The following MYBPC2 variants were observed in gnomAD, a reference collection of about 807,000 sequenced individuals.
MYBPC2 encodes the protein myosin-binding protein C, fast-type.
A neutral mutation model predicts 137.0 loss-of-function variants in MYBPC2; 122 were observed. The observed-to-expected ratio is 0.89, with a 90% confidence interval of 0.77 to 1.03. The LOEUF (loss-of-function observed/expected upper bound fraction) is 1.03. Ranked by LOEUF, MYBPC2 falls within the 50% of genes least tolerant of loss-of-function variation. The probability of loss-of-function intolerance (pLI) is 0.00; values close to 1 mark genes in which losing one functional copy is unlikely to be tolerated. For synonymous variants in MYBPC2, 626 were observed against 612.3 expected (o/e 1.02, Z -0.33); for missense variants, 1,500 against 1,534.4 (o/e 0.98, Z 0.37).
In MYBPC2 at chr19:50,459,120, C is replaced by T. The variant is rs762000682; in HGVS notation, c.2605C>T (p.Arg869Trp). 8 of 1,564,582 alleles carry T rather than the reference C, an allele frequency of 5.1e-6. No homozygotes were observed. Among genetic ancestry groups the T allele is most frequent in the East Asian group, 4.8e-5 (2 of 41,882 alleles). ...NLVVPFQGKP[R>W]PQVVWTKGGA... ...CGCCCTCTCCCCGCAGGGAAAGCCC[C>T]GGCCCCAGGTGGTGTGGACCAAGGG... Residue 869 changes from arginine to tryptophan, a missense_variant, in exon 23 of 28, where the codon CGG (arginine) becomes TGG (tryptophan). Transcript: ENST00000357701.
chr19:50,449,540 T>G (rs184601691), intron 13 of MYBPC2, among the ~76,000 whole-genome samples: 1 of 152,180 alleles, frequency 6.6e-6, no homozygotes, highest in African/African-American at 2.4e-5. Context: ...CAGCTCTGAG[T>G]CAAGGGCTGG....
At chr19:50,436,835 G>C in intron 5 of MYBPC2, 101 bp downstream of exon 5, 1 of 1,066,546 alleles carries the variant, frequency 9.4e-7, no homozygotes, top group Non-Finnish European at 1.4e-6. Flanking sequence ...ATGGGCATGA[G>C]GTGGGCACAG....
chr19:50,447,866 A>T (rs1333215901), intron 12 of MYBPC2, among the ~76,000 whole-genome samples: 1 of 152,046 alleles, frequency 6.6e-6, no homozygotes, highest in African/African-American at 2.4e-5. Context: ...TCAAAAAAAA[A>T]TAAATAAATA....
At chr19:50,456,133 C>T (rs2122609203) in intron 20 of MYBPC2, among the ~76,000 whole-genome samples, 1 of 147,428 alleles carries the variant, frequency 6.8e-6, no homozygotes, top group East Asian at 2.0e-4. Flanking sequence ...TCATTTCCAT[C>T]CATCCATCCA....
chr19:50,454,420 G>GT (rs36109908), intron 18 of MYBPC2, 51 bp downstream of exon 18: 37,730 of 722,882 alleles, frequency 0.052, 88 homozygotes, highest in African/African-American at 0.068. Context: ...TCTGCCTTCT[G>GT]TTTTTTTTTT....
intron 13 of MYBPC2, among the ~76,000 whole-genome samples, chr19:50,448,970 T>C (rs1322540833): frequency 6.6e-6 from 1 of 151,888 alleles, no homozygotes; most frequent in African/African-American, 2.4e-5. Flanking sequence ...CCTCAGCTGA[T>C]CCACCCACCT....
At chr19:50,436,304 G>A (rs1045384943) in intron 4 of MYBPC2, 144 bp downstream of exon 4, 67 of 1,313,000 alleles carry the variant, frequency 5.1e-5, no homozygotes, top group Non-Finnish European at 5.6e-5. Flanking sequence ...GAGGTTGTGC[G>A]GGGCTGCTGG....
chr19:50,460,846 C>T (rs926830213), intron 24 of MYBPC2, among the ~76,000 whole-genome samples: 1 of 151,834 alleles, frequency 6.6e-6, no homozygotes, highest in African/African-American at 2.4e-5. Context: ...AATACAGGCA[C>T]GTGCCACCAC....
chr19:50,446,432 G>T (rs1049146867), intron 12 of MYBPC2, among the ~76,000 whole-genome samples: 6 of 151,940 alleles, frequency 3.9e-5, no homozygotes, highest in African/African-American at 1.5e-4. Context: ...AGAATTGCTT[G>T]AACCCAGGAG....
intron 26 of MYBPC2, among the ~76,000 whole-genome samples, chr19:50,462,736 C>T (rs1002118694): frequency 6.6e-6 from 1 of 151,948 alleles, no homozygotes; most frequent in Non-Finnish European, 1.5e-5. Context: ...ACCACCATGC[C>T]CAGCTAAATT....
rs1192055349 is a variant in MYBPC2 at position 50,442,763 on chromosome 19, C to T, written c.902+450C>T. 2.0e-5 allele frequency among the ~76,000 whole-genome samples: 3 copies of T among 151,374 alleles called. No individual in the cohort carries two copies. The East Asian group carries it at 5.8e-4, about 29-fold the overall frequency. On this transcript the variant is annotated intron_variant, in intron 9 of 27. Transcript: ENST00000357701. ...CAACAACAAACACATCACAAGACAA[C>T]CTTTTTTAAATTAATTACCTAATTT...
rs190538269 is a variant in MYBPC2, at chr19:50,448,322, G to A, written c.1404G>A (p.Thr468=). 6,636 of 1,613,884 alleles carry A rather than the reference G, an allele frequency of 4.1e-3. 83 individuals are homozygous for A. The highest frequency in any genetic ancestry group is 4.8e-3 in the Non-Finnish European group (5,708 of 1,179,814). ...FKCEVSDEKV[T]GKWYKNGVEV... ...GCGAGGTGTCTGATGAGAAAGTGAC[G>A]GGCAAGTGGTATAAGAATGGGGTCG... Residue 468 remains threonine, a synonymous_variant, in exon 13 of 28, where the codon ACG becomes ACA. Transcript: ENST00000357701.
chr19:50,443,462 C>T (rs373067367), intron 9 of MYBPC2, 32 bp from the exon 10 acceptor site: 30 of 1,607,800 alleles, frequency 1.9e-5, no homozygotes, highest in Admixed American at 3.3e-5. Context: ...GGATGCTCCA[C>T]GCCCTGGTTT....
At chr19:50,459,082 C>T (rs772695674) in intron 22 of MYBPC2, 29 bp from the exon 23 acceptor site, 35 of 1,551,170 alleles carry the variant, frequency 2.3e-5, no homozygotes, top group Non-Finnish European at 3.0e-5. Context: ...GCCCCGCTGA[C>T]CCCACCCCGC....
In MYBPC2 at chr19:50,435,493, G is replaced by A. The variant is rs999969076; in HGVS notation, c.109+243G>A. Among the ~76,000 whole-genome samples, 8 of 152,162 alleles carry A rather than the reference G, an allele frequency of 5.3e-5. No individual in the cohort carries two copies. Among genetic ancestry groups the A allele is most frequent in the South Asian group, 4.1e-4 (2 of 4,822 alleles). On this transcript the variant is annotated intron_variant, in intron 2 of 27. Transcript: ENST00000357701. This position sits in a 1 kb window ranked among gnomAD's most constrained non-coding sequence, Gnocchi z 4.8. ...CTGATTGATCACCAGGTCCGGCCCC[G>A]GTCTCTCTAAACCTCTCCCGCCCCA...
chr19:50,461,444 G>A, intron 24 of MYBPC2, 98 bp from the exon 25 acceptor site: 2 of 1,277,028 alleles, frequency 1.6e-6, no homozygotes, highest in Non-Finnish European at 1.1e-6. Context: ...TTAAACACTG[G>A]ATGTGCTTTT....
rs1342187368 is a variant in MYBPC2, at chr19:50,435,144, T to G, written c.20-17T>G. ...TGCAGACCGCATGCTCAACTATGAC[T>G]GTCCCCTACCTTACAGCGGCCAAAA... On this transcript the variant is annotated splice_polypyrimidine_tract_variant and intron_variant, in intron 1 of 27. Coordinates refer to ENST00000357701, the MANE Select transcript of MYBPC2 (RefSeq NM_004533.4). The surrounding 1 kb of genome is among the most constrained non-coding windows in gnomAD (Gnocchi z 4.8). 5 of 1,213,608 alleles carry G rather than the reference T, an allele frequency of 4.1e-6. No individual in the cohort carries two copies. Among genetic ancestry groups the G allele is most frequent in the Non-Finnish European group, 6.1e-6 (5 of 824,108 alleles). The allele number at this position is 1,213,608 out of a possible 1,614,324, so 75.2% of individuals were successfully genotyped here.
chr19:50,461,811 T>C (rs1294105346), intron 25 of MYBPC2, 89 bp from the exon 26 acceptor site: 3 of 1,581,316 alleles, frequency 1.9e-6, no homozygotes, highest in Admixed American at 3.7e-5. Flanking sequence ...CACCTAGTCA[T>C]GGGAGAGAGG....
At chr19:50,444,824 G>A (rs1197044028) in intron 11 of MYBPC2, among the ~76,000 whole-genome samples, 2 of 143,952 alleles carry the variant, frequency 1.4e-5, no homozygotes, top group African/African-American at 2.6e-5. Flanking sequence ...AGCTTGCAGT[G>A]AGCCGAGATC....
Sources: gnomAD v4.1 joint callset for allele counts (sites outside exome capture counted in the v4.1 genomes callset) on GRCh38, gnomAD v4.1.1 for gene constraint, Gnocchi (gnomAD v3.1) non-coding constraint, MANE v1.5 for transcripts, NCBI Gene and HGNC (gene_info 2026-07-23, HGNC 2026-07-21) for gene names.